DSCAML1: variants seen among roughly 807,000 people sequenced by gnomAD.
DSCAML1 encodes the protein cell adhesion molecule DSCAML1.
Under a neutral mutation model 200.5 loss-of-function variants are expected in DSCAML1, and 38 were observed. That is an observed-to-expected ratio of 0.19 (90% CI 0.15 to 0.25). The LOEUF is 0.25. DSCAML1 is among the 10% of genes least tolerant of loss of function. DSCAML1 has a pLI of 1.00. For synonymous variants in DSCAML1, 1,215 were observed against 1,165.0 expected (o/e 1.04, Z -0.87); for missense variants, 2,223 against 2,858.8 (o/e 0.78, Z 5.07).
chr11:117,672,137 G>T (rs183935902), intron 3 of DSCAML1, among the ~76,000 whole-genome samples: 3 of 138,998 alleles, frequency 2.2e-5, no homozygotes, highest in African/African-American at 5.9e-5. Flanking sequence ...GAAACCTTGG[G>T]CCTCATCCAG....
At chr11:117,623,300 T>A (rs2051977418) in intron 3 of DSCAML1, among the ~76,000 whole-genome samples, 1 of 140,380 alleles carries the variant, frequency 7.1e-6, no homozygotes, top group Admixed American at 8.1e-5. Flanking sequence ...CACTGCAACC[T>A]CCACATCTCA....
intron 3 of DSCAML1, among the ~76,000 whole-genome samples, chr11:117,592,467 G>T (rs55962049): frequency 2.0e-5 from 3 of 152,064 alleles, no homozygotes; most frequent in African/African-American, 4.8e-5. Context: ...GGCTGGCTCT[G>T]TTTCTTTTCT....
intron 3 of DSCAML1, among the ~76,000 whole-genome samples, chr11:117,654,827 G>A (rs1388583400): frequency 1.3e-5 from 2 of 152,120 alleles, no homozygotes; most frequent in African/African-American, 4.8e-5. Context: ...AGGGCACTGA[G>A]CGGGTGGAGG....
rs562601244 is a variant in DSCAML1, at chr11:117,780,876, G to C, written c.47-66C>G. ...TCTAACAATACCCATATAAGCCACG[G>C]AGGCTTGCGACAGGCTGCACTCATT... On this transcript the variant is annotated intron_variant, in intron 1 of 32. Transcript: ENST00000651296. The surrounding 1 kb of genome is among the most constrained non-coding windows in gnomAD (Gnocchi z 4.8). 136 of 1,308,490 alleles carry C rather than the reference G, an allele frequency of 1.0e-4. 2 individuals are homozygous for C. Among genetic ancestry groups the C allele is most frequent in the South Asian group, 7.2e-4 (39 of 54,228 alleles). The allele number at this position is 1,308,490 out of a possible 1,614,324, so 81.1% of individuals were successfully genotyped here.
At chr11:117,587,556 C>T (rs928157814) in intron 3 of DSCAML1, among the ~76,000 whole-genome samples, 6 of 152,122 alleles carry the variant, frequency 3.9e-5, no homozygotes, top group African/African-American at 1.4e-4. Context: ...GCGGGGACTG[C>T]CCAGAAGAGA....
At chr11:117,690,003 T>C (rs1253437896) in intron 3 of DSCAML1, among the ~76,000 whole-genome samples, 2 of 152,024 alleles carry the variant, frequency 1.3e-5, no homozygotes, top group Non-Finnish European at 2.9e-5. Context: ...GCCGGAGGTG[T>C]TCTTGTCCTC....
chr11:117,634,386 C>T (rs184972431), intron 3 of DSCAML1, among the ~76,000 whole-genome samples: 4 of 152,302 alleles, frequency 2.6e-5, no homozygotes, highest in African/African-American at 9.6e-5. Context: ...TTCCAGCCTC[C>T]GCTTCATATG....
chr11:117,725,603 T>C (rs943955090), intron 3 of DSCAML1, among the ~76,000 whole-genome samples: 2 of 152,156 alleles, frequency 1.3e-5, no homozygotes, highest in Non-Finnish European at 2.9e-5. Flanking sequence ...ATATCATCCG[T>C]TCCGATCAGC....
chr11:117,499,799 A>G (rs1006129163), intron 11 of DSCAML1, among the ~76,000 whole-genome samples: 5 of 152,200 alleles, frequency 3.3e-5, no homozygotes, highest in Admixed American at 6.5e-5. Context: ...AAAGATGTCC[A>G]AGGACTTGGA....
intron 3 of DSCAML1, among the ~76,000 whole-genome samples, chr11:117,539,634 A>G (rs2050230905): frequency 6.6e-6 from 1 of 150,584 alleles, no homozygotes; most frequent in Non-Finnish European, 1.5e-5. Context: ...AAAAAAAGGA[A>G]TAAAGGTCTA....
intron 3 of DSCAML1, among the ~76,000 whole-genome samples, chr11:117,576,394 C>G (rs1198811079): frequency 6.6e-6 from 1 of 152,210 alleles, no homozygotes; most frequent in Non-Finnish European, 1.5e-5. Context: ...TCTTGCTCCT[C>G]CCCATTCCAT....
At chr11:117,748,378 T>C (rs1318668828) in intron 3 of DSCAML1, among the ~76,000 whole-genome samples, 1 of 152,224 alleles carries the variant, frequency 6.6e-6, no homozygotes, top group Non-Finnish European at 1.5e-5. Flanking sequence ...GTCTTGCCTC[T>C]TGGAGTCTCA....
At chr11:117,435,616 C>A (rs1188799851) in intron 27 of DSCAML1, 28 bp downstream of exon 27, 3 of 1,570,094 alleles carry the variant, frequency 1.9e-6, no homozygotes, top group Non-Finnish European at 2.6e-6. Flanking sequence ...ACACCCCCTC[C>A]TGGAAGGCCC....
intron 18 of DSCAML1, 43 bp from the exon 19 acceptor site, chr11:117,458,952 C>T (rs912637594): frequency 6.3e-7 from 1 of 1,594,214 alleles, no homozygotes; most frequent in Non-Finnish European, 8.5e-7. Context: ...CTCCATCGGG[C>T]TGTGGCCCCT....
At chr11:117,666,120 C>T (rs2137657612) in intron 3 of DSCAML1, among the ~76,000 whole-genome samples, 1 of 152,238 alleles carries the variant, frequency 6.6e-6, no homozygotes, top group Admixed American at 6.5e-5. Context: ...CCTCCTTGGG[C>T]CCCAGGAAGC....
chr11:117,557,000 T>C (rs889833365), intron 3 of DSCAML1, among the ~76,000 whole-genome samples: 1 of 152,052 alleles, frequency 6.6e-6, no homozygotes, highest in Non-Finnish European at 1.5e-5. Context: ...CTCCTGGAGA[T>C]GGATGCAGGG....
rs925767866 is a variant in DSCAML1, at chr11:117,503,765, G to A, written c.2359+80C>T. The stretch of plus-strand genomic sequence containing the variant: ...TCATAGATGAAACGACGGAGACTAA[G>A]AGAGTAGGCAGGGAGAGTGCAGAGC... On this transcript the variant is annotated intron_variant, in intron 11 of 32. Transcript: ENST00000651296. This position sits in a 1 kb window ranked among gnomAD's most constrained non-coding sequence, Gnocchi z 5.2. 33 of 1,460,232 alleles carry A rather than the reference G, an allele frequency of 2.3e-5. No individual in the cohort carries two copies. Among genetic ancestry groups the A allele is most frequent in the Non-Finnish European group, 3.1e-5 (33 of 1,077,836 alleles). 90.5% of individuals were successfully genotyped at this position (1,460,232 alleles called of 1,614,324 possible).
At chr11:117,696,297 A>G (rs530751448) in intron 3 of DSCAML1, among the ~76,000 whole-genome samples, 1 of 152,252 alleles carries the variant, frequency 6.6e-6, no homozygotes, top group South Asian at 2.1e-4. Context: ...AATGGTGAGG[A>G]GGGCATCTCA....
rs373718878 is a variant in DSCAML1 at position 117,658,560 on chromosome 11, G to T, written c.511+118231C>A. 2.6e-5 allele frequency among the ~76,000 whole-genome samples: 4 copies of T among 152,282 alleles called. No homozygotes were observed. The South Asian group carries it at 8.3e-4, about 32-fold the overall frequency. ...TCAGGGCATTATATTTAAGAAGAAG[G>T]CATAGTTTACGCCACAGTATGTGGA... On this transcript the variant is annotated intron_variant, in intron 3 of 32. Transcript: ENST00000651296.
Sources: allele counts gnomAD v4.1 joint callset (sites outside exome capture counted in the v4.1 genomes callset), GRCh38; gene constraint gnomAD v4.1.1; non-coding constraint Gnocchi (gnomAD v3.1); transcripts MANE v1.5; gene names NCBI Gene and HGNC (gene_info 2026-07-23, HGNC 2026-07-21).